The following DOCK6 variants were observed in gnomAD, a reference collection of about 807,000 sequenced individuals.
DOCK6 encodes dedicator of cytokinesis protein 6.
A neutral mutation model predicts 230.3 loss-of-function variants in DOCK6; 167 were observed. The observed-to-expected ratio is 0.73, with a 90% CI of 0.64 to 0.82. The LOEUF is 0.82. Among genes scored for constraint, DOCK6 ranks in the 40% least tolerant of loss-of-function variants. The pLI, the probability that DOCK6 is intolerant of heterozygous loss-of-function variation, is 0.00. For synonymous variants in DOCK6, 1,148 were observed against 1,185.0 expected, an observed-to-expected ratio of 0.97 and a Z score of 0.64; for missense variants, 2,598 against 2,825.8, an observed-to-expected ratio of 0.92 and a Z score of 1.83.
At chr19:11,257,860 C>T (rs1003801262) in intron 1 of DOCK6, among the ~76,000 whole-genome samples, 2 of 151,998 alleles carry the variant, frequency 1.3e-5, no homozygotes, top group African/African-American at 2.4e-5. Flanking sequence ...TTTTGGGAGG[C>T]TGAGGTGGGA....
intron 32 of DOCK6, among the ~76,000 whole-genome samples, chr19:11,215,132 A>G (rs2147758851): frequency 6.6e-6 from 1 of 152,110 alleles, no homozygotes; most frequent in Admixed American, 6.6e-5. Flanking sequence ...TTTTTAGTAG[A>G]GACAAGGTTT....
intron 33 of DOCK6, 23 bp from the exon 34 acceptor site, chr19:11,214,432 T>C (rs1353797053): frequency 6.2e-7 from 1 of 1,613,506 alleles, no homozygotes. Flanking sequence ...GGGTCAGAAA[T>C]CCAGGTGTTA....
At position 11,217,363 on chromosome 19, in the gene DOCK6, G is replaced by A; in HGVS notation, c.3579C>T (p.Ala1193=). The A allele has an allele frequency of 6.2e-7, 1 of 1,613,370 alleles. No individual in the cohort carries two copies. Among genetic ancestry groups the A allele is most frequent in the Non-Finnish European group, 8.5e-7 (1 of 1,179,628 alleles). The change falls in exon 29 of 48, where the codon GCC becomes GCT. Residue 1193 remains alanine (A), a synonymous_variant. Transcript: ENST00000294618. The stretch of plus-strand genomic sequence containing the variant: ...CTTCTGTGTCTGAGTCAAGCATTGA[G>A]GCCAGTCTTGACCGCTGACCTGGGC... The part of the protein sequence containing the change: ...AEGPGQRSRL[A]SMLDSDTEGE...
intron 24 of DOCK6, among the ~76,000 whole-genome samples, chr19:11,223,667 G>A (rs1350046843): frequency 1.3e-5 from 2 of 151,842 alleles, no homozygotes; most frequent in African/African-American, 4.8e-5. Flanking sequence ...TATTTTTTGA[G>A]ATGGAGTCTT....
At chr19:11,262,514 CGGGGCGGGGCGGGGCCGGCGCG>C (rs2080309057) in exon 1 of DOCK6, 1 of 919,360 alleles carries the variant, frequency 1.1e-6, no homozygotes. Flanking sequence ...TCTGGGCAGC[CGGGGCGGGGCGGGGCCGGCGCG>C]GGGGCGGGGC....
chr19:11,246,839 C>T lies in DOCK6; in HGVS notation c.807-961G>A, dbSNP rs138223606. On this transcript the variant is annotated intron_variant, in intron 7 of 47. Coordinates refer to ENST00000294618, the MANE Select transcript of DOCK6 (RefSeq NM_020812.4). ...TGTCTTACTCCACCTTGCTGGCCTC[C>T]GCTCACCACGCACCTCCAAACTGAA... is the stretch of plus-strand genomic sequence containing the variant. 4.9e-3 allele frequency among the ~76,000 whole-genome samples: 751 copies of T among 152,260 alleles called. 10 individuals are homozygous for T. The highest frequency in any genetic ancestry group is 0.017 in the African/African-American group (700 of 41,542).
intron 23 of DOCK6, among the ~76,000 whole-genome samples, chr19:11,228,120 C>T (rs970411207): frequency 2.0e-5 from 3 of 151,082 alleles, no homozygotes; most frequent in East Asian, 2.0e-4. Flanking sequence ...AAGCGATTCT[C>T]CTGCCTCAGT....
At chr19:11,260,926 A>C (rs551485263) in intron 1 of DOCK6, among the ~76,000 whole-genome samples, 31 of 151,568 alleles carry the variant, frequency 2.0e-4, no homozygotes, top group Admixed American at 3.3e-4. Context: ...AAAGAAAAGG[A>C]AAGAAAAAGA....
At chr19:11,258,211 G>A (rs2080227035) in intron 1 of DOCK6, among the ~76,000 whole-genome samples, 1 of 152,156 alleles carries the variant, frequency 6.6e-6, no homozygotes, top group South Asian at 2.1e-4. Context: ...TTCCTGACAT[G>A]ATGCTGAGTG....
chr19:11,222,038 G>A lies in DOCK6; in HGVS notation c.3381-18C>T. ...GGAATGCCCTATGGGGTAATGAGGT[G>A]CTCAGGACAGGGTGGACATGGCTCC... On this transcript the variant is annotated intron_variant, in intron 27 of 47. Coordinates refer to ENST00000294618, the MANE Select transcript of DOCK6 (RefSeq NM_020812.4). The surrounding 1 kb of genome is among the most constrained non-coding windows in gnomAD (Gnocchi z 4.0). The A allele has an allele frequency of 2.5e-6, 4 of 1,606,752 alleles. No homozygotes were observed. The highest frequency in any genetic ancestry group is 3.4e-6 in the Non-Finnish European group (4 of 1,174,176).
At chr19:11,259,379 G>C (rs1435844276) in intron 1 of DOCK6, among the ~76,000 whole-genome samples, 1 of 151,624 alleles carries the variant, frequency 6.6e-6, no homozygotes, top group Non-Finnish European at 1.5e-5. Flanking sequence ...TGTTTAAATG[G>C]TAAAAAATAA....
At position 11,201,792 on chromosome 19, in the gene DOCK6, C is replaced by G. The variant is rs2079172021; in HGVS notation, c.5688+97G>C. ...TCTGGGTCTGAGGTCCGTGAACCAC[C>G]TTGGGTCTGGGTCCCTGTGTCTACC... is the stretch of plus-strand genomic sequence containing the variant. On this transcript the variant is annotated intron_variant, in intron 44 of 47. Transcript: ENST00000294618. This position sits in a 1 kb window ranked among gnomAD's most constrained non-coding sequence, Gnocchi z 4.3. The G allele has an allele frequency of 1.7e-6, 2 of 1,207,594 alleles. No individual in the cohort carries two copies. The highest frequency in any genetic ancestry group is 1.5e-5 in the African/African-American group (1 of 66,470). 74.8% of individuals were successfully genotyped at this position (1,207,594 alleles called of 1,614,324 possible).
In DOCK6 at chr19:11,208,988, C is replaced by T. The variant is rs759617036; in HGVS notation, c.4867G>A (p.Ala1623Thr). The change falls in exon 38 of 48, where the codon GCG becomes ACG. Residue 1623 changes from alanine (A) to threonine (T), a missense_variant. Coordinates refer to ENST00000294618, the MANE Select transcript of DOCK6 (RefSeq NM_020812.4). Reference sequence around the variant, plus strand: ...AGGTACTCAGCCACGAGGGCGGCCGCGTGCACCATGCACTGGGCGGCCTCG... The same window carrying T: ...AGGTACTCAGCCACGAGGGCGGCCGTGTGCACCATGCACTGGGCGGCCTCG... ...HAEAAQCMVHAAALVAEYLAL... is the reference protein window; with the variant it reads ...HAEAAQCMVHTAALVAEYLAL... 1.2e-5 allele frequency: 20 copies of T among 1,610,410 alleles called. No individual in the cohort carries two copies. The East Asian group carries it at 1.3e-4, about 11-fold the overall frequency.
intron 18 of DOCK6, chr19:11,237,140 G>C (rs2079861525): frequency 3.4e-6 from 2 of 590,638 alleles, no homozygotes; most frequent in Non-Finnish European, 6.0e-6. Flanking sequence ...AACAGGATAG[G>C]AGGATTTGAG....
At chr19:11,237,176 T>C in intron 18 of DOCK6, 1 of 589,348 alleles carries the variant, frequency 1.7e-6, no homozygotes, top group Non-Finnish European at 3.0e-6. Context: ...CAATGGTGCA[T>C]TCATGGGGAA....
At chr19:11,262,306 T>TTGGGGG (rs1568273542) in intron 1 of DOCK6, 91 bp downstream of exon 1, 1 of 763,454 alleles carries the variant, frequency 1.3e-6, no homozygotes. Flanking sequence ...AGGGGTTGAA[T>TTGGGGG]TGGGGGCGCC....
At position 11,201,172 on chromosome 19, in the gene DOCK6, A is replaced by T; in HGVS notation, c.5689-120T>A. 1 of 1,299,190 alleles carries T rather than the reference A, an allele frequency of 7.7e-7. No individual in the cohort carries two copies. Among genetic ancestry groups the T allele is most frequent in the Non-Finnish European group, 1.1e-6 (1 of 941,708 alleles). 80.5% of individuals were successfully genotyped at this position (1,299,190 alleles called of 1,614,324 possible). A position where few individuals can be genotyped will look rare whatever the true frequency, so the allele number is the denominator to read the frequency against. ...AGGGGTCCAAGAACCCAGGCAATGAACAGAATCTGGGGGCCTTCCTGGGTC... is the reference window on the plus strand; with the variant it reads ...AGGGGTCCAAGAACCCAGGCAATGATCAGAATCTGGGGGCCTTCCTGGGTC... On this transcript the variant is annotated intron_variant, in intron 44 of 47. Transcript: ENST00000294618. The surrounding 1 kb of genome is among the most constrained non-coding windows in gnomAD (Gnocchi z 4.3).
intron 16 of DOCK6, 39 bp downstream of exon 16, chr19:11,238,006 A>G (rs768124761): frequency 1.9e-6 from 3 of 1,604,756 alleles, no homozygotes; most frequent in South Asian, 1.1e-5. Flanking sequence ...TCCTACCCCC[A>G]TGAGTGCCCC....
intron 14 of DOCK6, 109 bp downstream of exon 14, chr19:11,241,936 G>A: frequency 7.2e-7 from 1 of 1,396,100 alleles, no homozygotes; most frequent in Non-Finnish European, 9.7e-7. Context: ...CAGAGTCGTG[G>A]CATCTCACCC....
Sources: allele counts gnomAD v4.1 joint callset (sites outside exome capture counted in the v4.1 genomes callset), GRCh38; gene constraint gnomAD v4.1.1; non-coding constraint Gnocchi (gnomAD v3.1); transcripts MANE v1.5; gene names NCBI Gene and HGNC (gene_info 2026-07-23, HGNC 2026-07-21).